BRAT1: variants seen among roughly 807,000 people sequenced by gnomAD.
BRAT1 encodes integrator complex assembly factor BRAT1.
Under a neutral mutation model 70.6 loss-of-function variants are expected in BRAT1, and 74 were observed. The observed-to-expected ratio is 1.05, with a 90% CI of 0.87 to 1.27. BRAT1 has a LOEUF of 1.27. Among genes scored for constraint, BRAT1 ranks in the 50% most tolerant of loss-of-function variants. BRAT1 has a pLI of 0.00. For missense variants in BRAT1, 1,203 were observed against 1,098.2 expected, an observed-to-expected ratio of 1.10 and a Z score of -1.35; for synonymous variants, 615 against 517.1, an observed-to-expected ratio of 1.19 and a Z score of -2.57.
At position 2,538,177 on chromosome 7, in the gene BRAT1, G is replaced by A. The variant is rs750148903; in HGVS notation, c.2358C>T (p.Ser786=). The change falls in exon 14 of 14, where the codon AGC becomes AGT. Residue 786 remains serine (S), a synonymous_variant. Transcript: ENST00000340611. ...CGTGGTCGCTGCTCTCGGCCAGCGT[G>A]CTCCGCAGGCCCTCCAGGTCTAGGG... is the stretch of plus-strand genomic sequence containing the variant. ...LRSLDLEGLR[S]TLAESSDHVE... is the part of the protein sequence containing the mutation. The A allele has an allele frequency of 2.6e-5, 42 of 1,609,060 alleles. No individual in the cohort carries two copies. Among genetic ancestry groups the A allele is most frequent in the Non-Finnish European group, 3.4e-5 (40 of 1,177,396 alleles).
At chr7:2,555,371 G>C (rs1383604295) in intron 1 of BRAT1, 116 bp downstream of exon 1, 2 of 152,218 alleles carry the variant, frequency 1.3e-5, no homozygotes, top group East Asian at 1.9e-4. Context: ...GCGAGCCCAG[G>C]TCGCGCACGC....
intron 10 of BRAT1, 123 bp downstream of exon 10, chr7:2,540,856 A>C: frequency 9.7e-7 from 1 of 1,027,524 alleles, no homozygotes; most frequent in Non-Finnish European, 1.3e-6. Flanking sequence ...TCTGAGCAGC[A>C]GCTCTGTGGC....
intron 10 of BRAT1, chr7:2,540,775 G>T: frequency 2.1e-6 from 1 of 485,340 alleles, no homozygotes; most frequent in South Asian, 4.5e-5. Context: ...ACACACCCCT[G>T]CGTGCTGATG....
Position 2,538,537 on chromosome 7 carries a change from C to T in BRAT1, c.1998G>A (p.Leu666=). 1.2e-6 allele frequency: 2 copies of T among 1,604,136 alleles called. No homozygotes were observed. The highest frequency in any genetic ancestry group is 1.7e-6 in the Non-Finnish European group (2 of 1,178,376). ...AGGGGCAGTGGGTACGCGGCGGCCC[C>T]AAAGTCTGGCCCAGGAACACGAGGG... is the stretch of plus-strand genomic sequence containing the variant. ...ELALVFLGQT[L]GPPRTHCPYA... is the part of the protein sequence containing the mutation. Residue 666 remains leucine, a synonymous_variant, in exon 14 of 14, where the codon TTG becomes TTA. Coordinates refer to ENST00000340611, the MANE Select transcript of BRAT1 (RefSeq NM_152743.4).
rs760560405 is a variant in BRAT1, at chr7:2,539,193, C to T, written c.1756G>A (p.Ala586Thr). The change falls in exon 13 of 14, where the codon GCA (alanine) becomes ACA (threonine). Residue 586 changes from alanine (A) to threonine (T), a missense_variant. By Grantham distance (58) the Ala-to-Thr change is moderately conservative. Coordinates refer to ENST00000340611, the MANE Select transcript of BRAT1 (RefSeq NM_152743.4). ...GLHAPTSPEH[A>T]EARQSLFLEL... ...CCACCTCCTACCTGCCGGGCCTCTG[C>T]ATGCTCAGGGCTGGTGGGGGCGTGC... The T allele has an allele frequency of 8.1e-6, 13 of 1,603,522 alleles. No homozygotes were observed. In the East Asian group the frequency reaches 2.5e-4, roughly 30 times the overall value.
At position 2,544,883 on chromosome 7, in the gene BRAT1, A is replaced by G. The variant is rs1180742243; in HGVS notation, c.430+26T>C. On this transcript the variant is annotated intron_variant, in intron 4 of 13. Coordinates refer to ENST00000340611, the MANE Select transcript of BRAT1 (RefSeq NM_152743.4). ...TGGGATCACACAGGCAGGATGAGGA[A>G]TGGGGTGGGGTGTGGGCGCACTCAC... 5.2e-6 allele frequency: 8 copies of G among 1,547,132 alleles called. No homozygotes were observed. In the East Asian group the frequency reaches 2.0e-4, roughly 38 times the overall value.
In BRAT1 at chr7:2,543,894, G is replaced by A. The variant is rs768425060; in HGVS notation, c.499C>T (p.Leu167Phe). The change falls in exon 5 of 14, where the codon CTC (leucine) becomes TTC (phenylalanine). Residue 167 changes from leucine (L) to phenylalanine (F), a missense_variant. Coordinates refer to ENST00000340611, the MANE Select transcript of BRAT1 (RefSeq NM_152743.4). This position sits in a 1 kb window ranked among gnomAD's most constrained non-coding sequence, Gnocchi z 5.5. Reference protein sequence around the residue: ...SLFVASAASQLLVHVLALSMR... With the variant: ...SLFVASAASQFLVHVLALSMR... ...GACAAAGCCAGGACGTGCACCAGGA[G>A]CTGACTGGCCGCCGAGGCCACAAAC... 17 of 1,609,572 alleles carry A rather than the reference G, an allele frequency of 1.1e-5. No homozygotes were observed. Among genetic ancestry groups the A allele is most frequent in the South Asian group, 7.7e-5 (7 of 90,878 alleles).
rs1422341077 is a variant in BRAT1, at chr7:2,538,401, C to G, written c.2134G>C (p.Asp712His). ...CAAGACTTCTGCGCCACAGGGCGGT[C>G]GCAGTCAAACAAGGCACAAAAGGCG... ...DFAFCALFDC[D>H]RPVAQKSCDL... Residue 712 changes from aspartate to histidine, a missense_variant, in exon 14 of 14, where the codon GAC (aspartate) becomes CAC (histidine). Asp to His is a moderately conservative substitution (Grantham distance 81, BLOSUM62 -1). Transcript: ENST00000340611. 1 of 1,613,558 alleles carries G rather than the reference C, an allele frequency of 6.2e-7. No homozygotes were observed. The highest frequency in any genetic ancestry group is 1.7e-5 in the Admixed American group (1 of 60,038).
chr7:2,550,481 C>CAAAAAAAAA (rs369777124), intron 2 of BRAT1, among the ~76,000 whole-genome samples: 46 of 57,532 alleles, frequency 8.0e-4, no homozygotes, highest in East Asian at 1.6e-3. Flanking sequence ...AAAAAAAAAA[C>CAAAAAAAAA]AAAAAAAAAA....
In BRAT1 at chr7:2,547,378, T is replaced by C. The variant is rs1779692565; in HGVS notation, c.228A>G (p.Ser76=). ...QDLSSGVLSF[S]LRLAGTFAAQ... is the part of the protein sequence containing the mutation. ...CTGCGAAGGTTCCTGCCAGGCGCAG[T>C]GAGAAGGAGAGGACCCCAGAACTCA... Residue 76 remains serine (S), a synonymous_variant, in exon 3 of 14, where the codon TCA becomes TCG. Coordinates refer to ENST00000340611, the MANE Select transcript of BRAT1 (RefSeq NM_152743.4). The C allele has an allele frequency of 1.2e-6, 2 of 1,613,912 alleles. No homozygotes were observed. The highest frequency in any genetic ancestry group is 8.5e-7 in the Non-Finnish European group (1 of 1,180,032).
Position 2,540,994 on chromosome 7 carries a change from G to C in BRAT1, c.1380C>G (p.Pro460=), listed in dbSNP as rs760259005. 4 of 1,552,972 alleles carry C rather than the reference G, an allele frequency of 2.6e-6. No homozygotes were observed. In the Admixed American group the frequency reaches 9.3e-5, roughly 36 times the overall value. ...LAVLLECLES[P]GSSPTVLKKA... ...ACCACCGTACCGTGGGGCTGGAGCC[G>C]GGGCTCTCGAGGCACTCCAGGAGGA... The change falls in exon 10 of 14, where the codon CCC becomes CCG. Residue 460 remains proline, a synonymous_variant. Transcript: ENST00000340611.
chr7:2,542,881 C>A (rs555829377), intron 6 of BRAT1: 3 of 196,472 alleles, frequency 1.5e-5, no homozygotes, highest in East Asian at 1.3e-4. Flanking sequence ...AAACCCCCAA[C>A]CAAAGCTGCG....
intron 2 of BRAT1, among the ~76,000 whole-genome samples, chr7:2,550,658 C>T (rs1460972189): frequency 1.3e-5 from 2 of 151,204 alleles, no homozygotes; most frequent in Admixed American, 6.6e-5. Context: ...AACTAATGAA[C>T]GAGTGTGGAA....
At chr7:2,547,607 GA>G (rs1562587315) in intron 2 of BRAT1, 129 bp from the exon 3 acceptor site, 15 of 955,926 alleles carry the variant, frequency 1.6e-5, no homozygotes, top group Middle Eastern at 3.4e-4. Flanking sequence ...ATCCAACTGG[GA>G]AAAAAATATC....
intron 11 of BRAT1, 25 bp downstream of exon 11, chr7:2,539,737 CCACCCCTGCGACTCCAGCTCCGTT>C: frequency 6.4e-6 from 10 of 1,564,898 alleles, no homozygotes; most frequent in Non-Finnish European, 7.8e-6. Flanking sequence ...CCTGCTGCCT[CCACCCCTGCGACTCCAGCTCCGTT>C]CACCCCTGCA....
In BRAT1 at chr7:2,538,486, G is replaced by A. The variant is rs1266198302; in HGVS notation, c.2049C>T (p.Ala683=). 1.4e-5 allele frequency: 23 copies of A among 1,611,712 alleles called. No homozygotes were observed. The Admixed American group carries it at 3.7e-4, about 26-fold the overall frequency. Residue 683 remains alanine (A), a synonymous_variant, in exon 14 of 14, where the codon GCC becomes GCT. Coordinates refer to ENST00000340611, the MANE Select transcript of BRAT1 (RefSeq NM_152743.4). ...GTGCCTCGGTGAGTGGCTGGGCTGGGGCCACCTCGGGTAGGGCCACGGCAT... is the reference window on the plus strand; with the variant it reads ...GTGCCTCGGTGAGTGGCTGGGCTGGAGCCACCTCGGGTAGGGCCACGGCAT... ...CPYAVALPEV[A]PAQPLTEALR...
chr7:2,544,832 G>C lies in BRAT1; in HGVS notation c.430+77C>G, dbSNP rs1779477964. The C allele has an allele frequency of 4.6e-6, 7 of 1,519,254 alleles. No homozygotes were observed. In the South Asian group the frequency reaches 7.5e-5, roughly 16 times the overall value. 94.1% of individuals were successfully genotyped at this position (1,519,254 alleles called of 1,614,324 possible). On this transcript the variant is annotated intron_variant, in intron 4 of 13. Coordinates refer to ENST00000340611, the MANE Select transcript of BRAT1 (RefSeq NM_152743.4). ...AGACATCGCACAGACCAGACACTCAGATTCAGCAAGGTGCAGTGAATTCCC... is the reference window on the plus strand; with the variant it reads ...AGACATCGCACAGACCAGACACTCACATTCAGCAAGGTGCAGTGAATTCCC...
intron 2 of BRAT1, among the ~76,000 whole-genome samples, chr7:2,548,061 C>A (rs1779743525): frequency 1.3e-5 from 2 of 150,142 alleles, no homozygotes; most frequent in South Asian, 2.1e-4. Flanking sequence ...ACGGCACACT[C>A]CAGCCCTGGG....
chr7:2,538,943 A>G, intron 13 of BRAT1, 179 bp from the exon 14 acceptor site: 2 of 1,450,706 alleles, frequency 1.4e-6, no homozygotes, highest in East Asian at 2.5e-5. Flanking sequence ...CAGTTTACCC[A>G]TCTGTCAAAT....
Sources: allele counts gnomAD v4.1 joint callset (sites outside exome capture counted in the v4.1 genomes callset), GRCh38; gene constraint gnomAD v4.1.1; non-coding constraint Gnocchi (gnomAD v3.1); transcripts MANE v1.5; gene names NCBI Gene and HGNC (gene_info 2026-07-23, HGNC 2026-07-21).